ATP6V1H: variants seen among roughly 807,000 people sequenced by gnomAD.
ATP6V1H encodes the protein V-type proton ATPase subunit H.
ATP6V1H carries 39 observed loss-of-function variants against 71.7 expected under a neutral mutation model. The observed-to-expected ratio is 0.54, with a 90% CI of 0.42 to 0.71. The LOEUF (loss-of-function observed/expected upper bound fraction) is 0.71, where lower values mean the gene tolerates loss of function less well. Among genes scored for constraint, ATP6V1H ranks in the 30% least tolerant of loss-of-function variants. The pLI is 0.00. For missense variants in ATP6V1H, 509 were observed against 594.9 expected (o/e 0.86, Z 1.50); for synonymous variants, 192 against 199.3 (o/e 0.96, Z 0.31).
In ATP6V1H at chr8:53,797,700, A is replaced by G. The variant is rs551948582; in HGVS notation, c.678-1861T>C. Reference sequence around the variant, plus strand: ...ACTCAAGAGTCATTTTTTTTTTTCCACTTTAAACAAAATTAGTGGTTGGGC... The same window carrying G: ...ACTCAAGAGTCATTTTTTTTTTTCCGCTTTAAACAAAATTAGTGGTTGGGC... On this transcript the variant is annotated intron_variant, in intron 8 of 13. Coordinates refer to ENST00000359530, the MANE Select transcript of ATP6V1H (RefSeq NM_015941.4). Among the ~76,000 whole-genome samples, 295 of 150,282 alleles carry G rather than the reference A, an allele frequency of 2.0e-3. 1 individual carries two copies. The highest frequency in any genetic ancestry group is 7.0e-3 in the African/African-American group (286 of 40,810).
At chr8:53,749,778 T>C (rs1046114919) in intron 12 of ATP6V1H, among the ~76,000 whole-genome samples, 6 of 150,980 alleles carry the variant, frequency 4.0e-5, no homozygotes, top group African/African-American at 1.2e-4. Context: ...GTACAAGCCA[T>C]GTAAGAGAGT....
At chr8:53,833,126 G>GGCAGCA in intron 2 of ATP6V1H, 40 bp from the exon 3 acceptor site, 1 of 1,501,466 alleles carries the variant, frequency 6.7e-7, no homozygotes, top group East Asian at 2.3e-5. Flanking sequence ...AGTAAGAGTT[G>GGCAGCA]AATATGTAAG....
chr8:53,774,355 A>G (rs1482633890), intron 9 of ATP6V1H, among the ~76,000 whole-genome samples: 1 of 152,244 alleles, frequency 6.6e-6, no homozygotes, highest in Non-Finnish European at 1.5e-5. Context: ...CAAAGCTTCC[A>G]TCTACTTAAA....
intron 8 of ATP6V1H, among the ~76,000 whole-genome samples, 154 bp downstream of exon 8, chr8:53,801,645 T>C (rs565127785): frequency 6.6e-6 from 1 of 152,318 alleles, no homozygotes; most frequent in Non-Finnish European, 1.5e-5. Flanking sequence ...CTCAGTTTGA[T>C]AGTTACTAAC....
At chr8:53,730,317 A>C (rs1309853018) in intron 13 of ATP6V1H, among the ~76,000 whole-genome samples, 2 of 152,252 alleles carry the variant, frequency 1.3e-5, no homozygotes, top group African/African-American at 4.8e-5. Flanking sequence ...GAGAAGAACA[A>C]GAAAAACATG....
Position 53,774,491 on chromosome 8 carries a change from A to G in ATP6V1H, c.871-2324T>C, listed in dbSNP as rs193071684. On this transcript the variant is annotated intron_variant, in intron 9 of 13. Transcript: ENST00000359530. The stretch of plus-strand genomic sequence containing the variant: ...ACTTCTGAATTTCTATCATGTTACT[A>G]TTTTATCCTTTCATGTAAAACATTG... Among the ~76,000 whole-genome samples the G allele has an allele frequency of 2.2e-3, 339 of 152,290 alleles. 2 individuals carry two copies. Among genetic ancestry groups the G allele is most frequent in the African/African-American group, 7.9e-3 (328 of 41,570 alleles).
chr8:53,841,732 T>C lies in ATP6V1H; in HGVS notation c.-35-7A>G, dbSNP rs768547724. ...TGAATGTCTTTCAACAAATCTTCAA[T>C]TTTGATGCAAGGTAAAAACAGAATA... On this transcript the variant is annotated splice_polypyrimidine_tract_variant and splice_region_variant and intron_variant, in intron 1 of 13. Transcript: ENST00000359530. The C allele has an allele frequency of 3.3e-5, 53 of 1,604,500 alleles. No individual in the cohort carries two copies. Among genetic ancestry groups the C allele is most frequent in the Non-Finnish European group, 4.5e-5 (53 of 1,175,106 alleles).
rs35145366 is a variant in ATP6V1H, at chr8:53,718,384, ATT to A, written c.1392-2362_1392-2361del. Among the ~76,000 whole-genome samples the A allele has an allele frequency of 3.9e-3, 473 of 121,752 alleles. 1 individual carries two copies. Among genetic ancestry groups the A allele is most frequent in the African/African-American group, 0.012 (362 of 30,660 alleles). 79.9% of individuals were successfully genotyped at this position (121,752 alleles called of 152,430 possible). ...TACAGGTAACATCCTCTCCTACACA[ATT>A]TTTTTTTTTTTTTTTTTTTTGAGAC... On this transcript the variant is annotated intron_variant, in intron 13 of 13. Transcript: ENST00000359530.
intron 12 of ATP6V1H, among the ~76,000 whole-genome samples, chr8:53,750,348 C>T (rs1356169327): frequency 6.6e-6 from 1 of 152,070 alleles, no homozygotes; most frequent in Non-Finnish European, 1.5e-5. Context: ...TGTAAACATG[C>T]ACACTGAGAA....
chr8:53,776,045 G>T (rs1011549326), intron 9 of ATP6V1H, among the ~76,000 whole-genome samples: 1 of 152,218 alleles, frequency 6.6e-6, no homozygotes, highest in Non-Finnish European at 1.5e-5. Flanking sequence ...CCTGCCCCGC[G>T]GGAAGGCAGC....
chr8:53,826,673 G>A (rs183967295), intron 4 of ATP6V1H, among the ~76,000 whole-genome samples: 291 of 152,178 alleles, frequency 1.9e-3, no homozygotes, highest in African/African-American at 6.2e-3. Context: ...TGGGCTGAGC[G>A]CAGTGGCTCA....
At chr8:53,753,568 C>A (rs1807878391) in intron 12 of ATP6V1H, among the ~76,000 whole-genome samples, 1 of 152,198 alleles carries the variant, frequency 6.6e-6, no homozygotes, top group South Asian at 2.1e-4. Flanking sequence ...AAGATGAATT[C>A]TTCAACATGC....
At chr8:53,801,673 T>C in intron 8 of ATP6V1H, 126 bp downstream of exon 8, 1 of 756,578 alleles carries the variant, frequency 1.3e-6, no homozygotes, top group Non-Finnish European at 2.1e-6. Flanking sequence ...AAGCTTAGCA[T>C]AGTCAATTGT....
chr8:53,831,997 A>AT (rs1427473502), intron 3 of ATP6V1H: 1 of 152,168 alleles, frequency 6.6e-6, no homozygotes, highest in Non-Finnish European at 1.5e-5. Context: ...GTATAGAATT[A>AT]GTTTAGATCA....
At chr8:53,820,184 C>G (rs1036707058) in intron 4 of ATP6V1H, among the ~76,000 whole-genome samples, 2 of 151,778 alleles carry the variant, frequency 1.3e-5, no homozygotes, top group Non-Finnish European at 1.5e-5. Flanking sequence ...AAAATAAACT[C>G]TAACTATGAA....
At chr8:53,764,934 A>G (rs1449111505) in intron 11 of ATP6V1H, among the ~76,000 whole-genome samples, 2 of 152,180 alleles carry the variant, frequency 1.3e-5, no homozygotes, top group African/African-American at 4.8e-5. Flanking sequence ...TCCCATCTCC[A>G]CAAAAATTTA....
intron 4 of ATP6V1H, among the ~76,000 whole-genome samples, chr8:53,829,162 G>A (rs1232534189): frequency 6.6e-6 from 1 of 152,166 alleles, no homozygotes; most frequent in East Asian, 1.9e-4. Flanking sequence ...AGCCTCAGGT[G>A]ATACAGCAAG....
intron 11 of ATP6V1H, among the ~76,000 whole-genome samples, chr8:53,759,744 T>G (rs1377400224): frequency 6.6e-6 from 1 of 152,242 alleles, no homozygotes; most frequent in Non-Finnish European, 1.5e-5. Flanking sequence ...TCTCCACGGC[T>G]TCTTATATTT....
rs183542624 is a variant in ATP6V1H at position 53,780,241 on chromosome 8, C to T, written c.871-8074G>A. ...ACATTCAATAACTAATGTAGAACAA[C>T]CCTATGGTATTCTTCTAAAACCAAC... On this transcript the variant is annotated intron_variant, in intron 9 of 13. Transcript: ENST00000359530. Among the ~76,000 whole-genome samples the T allele has an allele frequency of 8.4e-3, 1,279 of 151,546 alleles. 6 individuals carry two copies. The highest frequency in any genetic ancestry group is 0.013 in the Non-Finnish European group (899 of 67,928).
Sources: allele counts gnomAD v4.1 joint callset (sites outside exome capture counted in the v4.1 genomes callset), GRCh38; gene constraint gnomAD v4.1.1; transcripts MANE v1.5; gene names NCBI Gene and HGNC (gene_info 2026-07-23, HGNC 2026-07-21).